Variants in ROBO3 observed in about 807,000 individuals in gnomAD.
The protein encoded by ROBO3 is roundabout homolog 3.
A neutral mutation model predicts 160.5 loss-of-function variants in ROBO3; 97 were observed. The observed-to-expected ratio is 0.60, with a 90% CI of 0.51 to 0.72. ROBO3 has a LOEUF of 0.72. Ranked by LOEUF, ROBO3 falls within the 30% of genes least tolerant of loss-of-function variation. ROBO3 has a pLI of 0.00. For synonymous variants in ROBO3, 780 were observed against 746.2 expected (o/e 1.05, Z -0.74); for missense variants, 1,858 against 1,846.5 (o/e 1.01, Z -0.11).
At chr11:124,877,370 C>A in intron 19 of ROBO3, 61 bp downstream of exon 19, 1 of 1,604,014 alleles carries the variant, frequency 6.2e-7, no homozygotes, top group Non-Finnish European at 8.5e-7. Context: ...CTTCTTCCGC[C>A]CCGCTGACGC....
In ROBO3 at chr11:124,879,220, C is replaced by T; in HGVS notation, c.3564C>T (p.Leu1188=). 7 of 1,553,878 alleles carry T rather than the reference C, an allele frequency of 4.5e-6. No individual in the cohort carries two copies. The highest frequency in any genetic ancestry group is 4.4e-6 in the Non-Finnish European group (5 of 1,148,266). The change falls in exon 24 of 28, where the codon CTC becomes CTT. Residue 1188 remains leucine, a synonymous_variant. Transcript: ENST00000397801. The part of the protein sequence containing the change: ...RRVPLGPSSP[L]SVSQPMLGIR... ...TGCCCCTTGGGCCGAGTTCCCCTCT[C>T]AGTGTATCCCAGCCCATGCTGGGCA...
At chr11:124,870,769 G>A (rs371802148) in intron 6 of ROBO3, 41 bp downstream of exon 6, 22 of 1,599,926 alleles carry the variant, frequency 1.4e-5, no homozygotes, top group Non-Finnish European at 1.5e-5. Context: ...AGGAATGGTA[G>A]GAGGGGAGAA....
intron 5 of ROBO3, 79 bp downstream of exon 5, chr11:124,870,382 C>A (rs907142997): frequency 4.6e-6 from 7 of 1,528,610 alleles, no homozygotes; most frequent in Non-Finnish European, 6.2e-6. Flanking sequence ...GGAAGACAGG[C>A]ACATTCTCAC....
Position 124,878,120 on chromosome 11 carries a change from A to T in ROBO3, c.3170A>T (p.Gln1057Leu), listed in dbSNP as rs1946450137. ...CAGTACGCTCCTCCAGAGTGGAGCC[A>T]GGGGGACAGTGGTATGACTCCAACT... ...WSQYAPPEWS[Q>L]GDSGAKGGKV... Residue 1057 changes from glutamine to leucine, a missense_variant, in exon 21 of 28, where the codon CAG (glutamine) becomes CTG (leucine). By Grantham distance (113) the Gln-to-Leu change is moderately radical (BLOSUM62 -2). Transcript: ENST00000397801. This position sits in a 1 kb window ranked among gnomAD's most constrained non-coding sequence, Gnocchi z 4.3. 6.2e-7 allele frequency: 1 copy of T among 1,606,668 alleles called. No homozygotes were observed. Among genetic ancestry groups the T allele is most frequent in the African/African-American group, 1.3e-5 (1 of 74,736 alleles).
chr11:124,877,713 G>T, intron 20 of ROBO3, 55 bp downstream of exon 20: 1 of 1,594,128 alleles, frequency 6.3e-7, no homozygotes, highest in Non-Finnish European at 8.5e-7. Flanking sequence ...CGACCTACTG[G>T]GGCAAACCGA....
In ROBO3 at chr11:124,874,173, C is replaced by A; in HGVS notation, c.1888C>A (p.Arg630=). Reference sequence around the variant, plus strand: ...CAATACCATCTACCTGTTTCTGGTTCGAGCAGTGGGAGCCTGGGGCCTCAG... The same window carrying A: ...CAATACCATCTACCTGTTTCTGGTTAGAGCAGTGGGAGCCTGGGGCCTCAG... The part of the protein sequence containing the change: ...QPNTIYLFLV[R]AVGAWGLSEP... The change falls in exon 12 of 28, where the codon CGA becomes AGA. Residue 630 remains arginine, a synonymous_variant. Transcript: ENST00000397801. 6.2e-7 allele frequency: 1 copy of A among 1,613,974 alleles called. No individual in the cohort carries two copies. Among genetic ancestry groups the A allele is most frequent in the Non-Finnish European group, 8.5e-7 (1 of 1,179,868 alleles).
At position 124,869,995 on chromosome 11, in the gene ROBO3, A is replaced by G. The variant is rs2135326096; in HGVS notation, c.693A>G (p.Ala231=). ...TGTCACATACACTCAAGAGCGATGC[A>G]GGCATGTATGTGTGCGTAGCCTCCA... ...LMMSHTLKSD[A]GMYVCVASNM... The change falls in exon 4 of 28, where the codon GCA becomes GCG. Residue 231 remains alanine, a synonymous_variant. Transcript: ENST00000397801. This position sits in a 1 kb window ranked among gnomAD's most constrained non-coding sequence, Gnocchi z 4.2. 1 of 1,613,848 alleles carries G rather than the reference A, an allele frequency of 6.2e-7. No individual in the cohort carries two copies. Among genetic ancestry groups the G allele is most frequent in the South Asian group, 1.1e-5 (1 of 91,052 alleles).
In ROBO3 at chr11:124,865,576, C is replaced by T. The variant is rs1463291509; in HGVS notation, c.-2C>T. On this transcript the variant is annotated 5_prime_UTR_variant, in exon 1 of 28. Transcript: ENST00000397801. The surrounding 1 kb of genome is among the most constrained non-coding windows in gnomAD (Gnocchi z 5.5). The stretch of plus-strand genomic sequence containing the variant: ...CAGTCCCGATCCCAGCTGGGTCGAG[C>T]CATGCTGCGCTACCTGCTGAAAACG... The T allele has an allele frequency of 1.2e-6, 2 of 1,610,880 alleles. No homozygotes were observed. Among genetic ancestry groups the T allele is most frequent in the Non-Finnish European group, 1.7e-6 (2 of 1,179,580 alleles).
In ROBO3 at chr11:124,876,923, G is replaced by C; in HGVS notation, c.2780-238G>C. ...AGGGACGTCTCTGGAGAGATTCTGA[G>C]GTGTTTGAGGTCAGTGGTTTTCAAT... is the stretch of plus-strand genomic sequence containing the variant. On this transcript the variant is annotated intron_variant, in intron 17 of 27. Transcript: ENST00000397801. This position sits in a 1 kb window ranked among gnomAD's most constrained non-coding sequence, Gnocchi z 5.3. 6.5e-6 allele frequency: 4 copies of C among 619,706 alleles called. No homozygotes were observed. The highest frequency in any genetic ancestry group is 1.2e-5 in the Non-Finnish European group (4 of 347,136). The allele number at this position is 619,706 out of a possible 1,614,324, so 38.4% of individuals were successfully genotyped here.
intron 12 of ROBO3, among the ~76,000 whole-genome samples, chr11:124,874,583 G>A (rs4439523): frequency 1.3e-5 from 2 of 152,220 alleles, no homozygotes; most frequent in Non-Finnish European, 2.9e-5. Flanking sequence ...GAGGAACTGA[G>A]GCCTTTAAAG....
At chr11:124,877,836 G>A (rs1320550096) in intron 20 of ROBO3, 101 bp from the exon 21 acceptor site, 3 of 1,163,892 alleles carry the variant, frequency 2.6e-6, no homozygotes, top group Admixed American at 2.1e-5. Flanking sequence ...AGGCTTGTGT[G>A]GGGGAAGAAG....
rs1414658455 is a variant in ROBO3, at chr11:124,870,227, T to G, written c.829T>G (p.Phe277Val). The G allele has an allele frequency of 6.2e-7, 1 of 1,614,054 alleles. No homozygotes were observed. Among genetic ancestry groups the G allele is most frequent in the Admixed American group, 1.7e-5 (1 of 60,024 alleles). Reference sequence around the variant, plus strand: ...GGTCCTGGCTGATGCCCCTGTGACTTTCCTATGTGAGGTGAAGGGGGATCC... The same window carrying G: ...GGTCCTGGCTGATGCCCCTGTGACTGTCCTATGTGAGGTGAAGGGGGATCC... Reference protein sequence around the residue: ...QVVLADAPVTFLCEVKGDPPP... With the variant: ...QVVLADAPVTVLCEVKGDPPP... Residue 277 changes from phenylalanine (F) to valine (V), a missense_variant, in exon 5 of 28, where the codon TTC becomes GTC. Transcript: ENST00000397801.
At position 124,873,104 on chromosome 11, in the gene ROBO3, T is replaced by C; in HGVS notation, c.1536+15T>C. ...CCAATGTGCAGGTGAGTGTCACCCCTGGGGCCCTAGTAGCTGAGAATGGCT... is the reference window on the plus strand; with the variant it reads ...CCAATGTGCAGGTGAGTGTCACCCCCGGGGCCCTAGTAGCTGAGAATGGCT... On this transcript the variant is annotated intron_variant, in intron 9 of 27. Transcript: ENST00000397801. The surrounding 1 kb of genome is among the most constrained non-coding windows in gnomAD (Gnocchi z 4.5). 6.2e-7 allele frequency: 1 copy of C among 1,609,196 alleles called. No homozygotes were observed. The highest frequency in any genetic ancestry group is 8.5e-7 in the Non-Finnish European group (1 of 1,176,798).
Position 124,876,452 on chromosome 11 carries a change from A to G in ROBO3, c.2771A>G (p.His924Arg), listed in dbSNP as rs754356561. The G allele has an allele frequency of 7.1e-7, 1 of 1,417,550 alleles. No homozygotes were observed. The highest frequency in any genetic ancestry group is 9.2e-7 in the Non-Finnish European group (1 of 1,090,742). The allele number at this position is 1,417,550 out of a possible 1,614,324, so 87.8% of individuals were successfully genotyped here. The part of the protein sequence containing the change: ...WRRKQRKELS[H>R]YTASFAYTPA... ...CGGAAACAGCGCAAAGAGCTCAGCCACTACACGGGTGAGCTCCCGGCCTCG... is the reference window on the plus strand; with the variant it reads ...CGGAAACAGCGCAAAGAGCTCAGCCGCTACACGGGTGAGCTCCCGGCCTCG... Residue 924 changes from histidine (H) to arginine (R), a missense_variant, in exon 17 of 28, where the codon CAC becomes CGC. Transcript: ENST00000397801. The surrounding 1 kb of genome is among the most constrained non-coding windows in gnomAD (Gnocchi z 5.3).
Position 124,869,431 on chromosome 11 carries a change from CCCCCA to C in ROBO3, c.488-16_488-12del. The C allele has an allele frequency of 3.1e-6, 4 of 1,303,822 alleles. No homozygotes were observed. The highest frequency in any genetic ancestry group is 4.3e-6 in the Non-Finnish European group (4 of 925,650). 80.8% of individuals were successfully genotyped at this position (1,303,822 alleles called of 1,614,324 possible). On this transcript the variant is annotated splice_polypyrimidine_tract_variant and intron_variant, in intron 2 of 27. Coordinates refer to ENST00000397801, the MANE Select transcript of ROBO3 (RefSeq NM_022370.4). This position sits in a 1 kb window ranked among gnomAD's most constrained non-coding sequence, Gnocchi z 4.2. ...TCACTCTACACCCTGCTTATTTCGCCCCCCACCGCCCCGCCCAGTCCTCCGTGATG... is the reference window on the plus strand; with the variant it reads ...TCACTCTACACCCTGCTTATTTCGCCCCGCCCCGCCCAGTCCTCCGTGATG...
rs1376282889 is a variant in ROBO3 at position 124,878,761 on chromosome 11, C to G, written c.3498C>G (p.Pro1166=). Residue 1166 remains proline, a synonymous_variant, in exon 23 of 28, where the codon CCC becomes CCG. Transcript: ENST00000397801. This position sits in a 1 kb window ranked among gnomAD's most constrained non-coding sequence, Gnocchi z 4.3. ...CCTCACCTCCTGACCCTCCCCAGCC[C>G]CCAACTGACATGCCCCATCTCCATC... The part of the protein sequence containing the change: ...LTPSPPDPPQ[P]PTDMPHLHQM... 1 of 1,613,686 alleles carries G rather than the reference C, an allele frequency of 6.2e-7. No homozygotes were observed. Among genetic ancestry groups the G allele is most frequent in the Non-Finnish European group, 8.5e-7 (1 of 1,179,858 alleles).
rs370205503 is a variant in ROBO3 at position 124,875,063 on chromosome 11, T to G, written c.2074-48T>G. 3.1e-5 allele frequency: 47 copies of G among 1,531,120 alleles called. No homozygotes were observed. In the African/African-American group the frequency reaches 5.3e-4, roughly 17 times the overall value. 94.8% of individuals were successfully genotyped at this position (1,531,120 alleles called of 1,614,324 possible). A position where few individuals can be genotyped will look rare whatever the true frequency, so the allele number is the denominator to read the frequency against. The stretch of plus-strand genomic sequence containing the variant: ...GGGCCTGGATGGCCTGGAGGGCCTG[T>G]ATGGCCCCAGCCTCCCCTTCTGGTG... On this transcript the variant is annotated intron_variant, in intron 13 of 27. Transcript: ENST00000397801.
chr11:124,873,560 A>T lies in ROBO3; in HGVS notation c.1619-137A>T. On this transcript the variant is annotated intron_variant, in intron 10 of 27. Coordinates refer to ENST00000397801, the MANE Select transcript of ROBO3 (RefSeq NM_022370.4). This position sits in a 1 kb window ranked among gnomAD's most constrained non-coding sequence, Gnocchi z 4.5. ...GTGGTACCCATGGGAGGCAGATGTG[A>T]GTAGGGGTTCATATACTATAGCCCA... 1 of 975,322 alleles carries T rather than the reference A, an allele frequency of 1.0e-6. No individual in the cohort carries two copies. Among genetic ancestry groups the T allele is most frequent in the Non-Finnish European group, 1.5e-6 (1 of 653,066 alleles). The allele number at this position is 975,322 out of a possible 1,614,324, so 60.4% of individuals were successfully genotyped here.
At position 124,881,441 on chromosome 11, in the gene ROBO3, A is replaced by G. The variant is rs1166624893; in HGVS notation, c.*191A>G. 1.6e-6 allele frequency: 1 copy of G among 606,628 alleles called. No homozygotes were observed. Among genetic ancestry groups the G allele is most frequent in the East Asian group, 2.8e-5 (1 of 35,812 alleles). The allele number at this position is 606,628 out of a possible 1,614,324, so 37.6% of individuals were successfully genotyped here. The stretch of plus-strand genomic sequence containing the variant: ...CACCTGAGACTTGTTTATAAAAAAC[A>G]AAACAATAAAAAGAGTCTGATCAGA... On this transcript the variant is annotated 3_prime_UTR_variant, in exon 28 of 28. Coordinates refer to ENST00000397801, the MANE Select transcript of ROBO3 (RefSeq NM_022370.4).
Sources: gnomAD v4.1 joint callset for allele counts (sites outside exome capture counted in the v4.1 genomes callset) on GRCh38, gnomAD v4.1.1 for gene constraint, Gnocchi (gnomAD v3.1) non-coding constraint, MANE v1.5 for transcripts, NCBI Gene and HGNC (gene_info 2026-07-23, HGNC 2026-07-21) for gene names.